PDE4D: variants seen among roughly 807,000 people sequenced by gnomAD.
The protein encoded by PDE4D is 3',5'-cyclic-AMP phosphodiesterase 4D.
PDE4D carries 24 observed loss-of-function variants against 87.4 expected under a neutral mutation model. The observed-to-expected ratio is 0.27, with a 90% CI of 0.20 to 0.39. The LOEUF (loss-of-function observed/expected upper bound fraction) is 0.39. PDE4D is among the 10% of genes least tolerant of loss of function. The pLI is 1.00. For synonymous variants in PDE4D, 384 were observed against 383.2 expected, an observed-to-expected ratio of 1.00 and a Z score of -0.02; for missense variants, 714 against 1,041.0, an observed-to-expected ratio of 0.69 and a Z score of 4.32.
intron 1 of PDE4D, among the ~76,000 whole-genome samples, chr5:59,838,056 C>T (rs989390574): frequency 3.3e-5 from 5 of 152,076 alleles, no homozygotes; most frequent in African/African-American, 4.8e-5. Context: ...TAGAATAATG[C>T]TATCATTTCA....
At chr5:60,409,130 G>C (rs781445824) in intron 1 of PDE4D, among the ~76,000 whole-genome samples, 22 of 152,170 alleles carry the variant, frequency 1.4e-4, no homozygotes, top group Non-Finnish European at 2.5e-4. Flanking sequence ...AGAAAAAGGA[G>C]GATGTGGTAT....
At chr5:59,189,315 T>A (rs529513902) in intron 3 of PDE4D, among the ~76,000 whole-genome samples, 213 of 141,296 alleles carry the variant, frequency 1.5e-3, no homozygotes, top group African/African-American at 5.5e-3. Flanking sequence ...AATGGCGCGA[T>A]CTCGGCTCAC....
At position 59,268,620 on chromosome 5, in the gene PDE4D, T is replaced by C. The variant is rs913658749; in HGVS notation, c.456-52652A>G. On this transcript the variant is annotated intron_variant, in intron 1 of 14. Transcript: ENST00000340635. ...ATATTTTGAGATATTGGATCACCTC[T>C]GGAAAGGCTTCCAAGAAAATCTATA... Among the ~76,000 whole-genome samples the C allele has an allele frequency of 7.9e-5, 12 of 152,196 alleles. No individual in the cohort carries two copies. In the East Asian group the frequency reaches 1.7e-3, roughly 22 times the overall value.
At chr5:60,382,814 C>T (rs1761957362) in intron 1 of PDE4D, among the ~76,000 whole-genome samples, 1 of 152,206 alleles carries the variant, frequency 6.6e-6, no homozygotes, top group Non-Finnish European at 1.5e-5. Context: ...GGTTCTAGGG[C>T]TGCATATGAG....
intron 1 of PDE4D, among the ~76,000 whole-genome samples, chr5:60,266,293 C>G (rs758787607): frequency 2.6e-5 from 4 of 152,056 alleles, no homozygotes; most frequent in Non-Finnish European, 5.9e-5. Context: ...TTGGAAAGCC[C>G]CATGAAAGCA....
At chr5:58,980,415 A>C (rs141236410) in intron 11 of PDE4D, among the ~76,000 whole-genome samples, 41 of 152,298 alleles carry the variant, frequency 2.7e-4, no homozygotes, top group South Asian at 8.3e-4. Flanking sequence ...TGAGCAGTGA[A>C]CACTAAACAT....
chr5:60,336,523 T>G (rs1173791223), intron 1 of PDE4D, among the ~76,000 whole-genome samples: 1 of 152,204 alleles, frequency 6.6e-6, no homozygotes, highest in Admixed American at 6.5e-5. Flanking sequence ...CACAACACAA[T>G]TTGGCTGCAA....
Position 60,122,304 on chromosome 5 carries a change from G to A in PDE4D, c.42+63253C>T, listed in dbSNP as rs540440247. Among the ~76,000 whole-genome samples the A allele has an allele frequency of 1.1e-3, 174 of 152,342 alleles. 4 individuals are homozygous for A. The South Asian group carries it at 0.034, about 30-fold the overall frequency. On this transcript the variant is annotated intron_variant, in intron 2 of 16. Transcript: ENST00000502484. ...TGCCCCAGTAGGGACTCTGTGTGGA[G>A]GCTCCAACCCCACATTTCCCTTCCA...
At chr5:59,380,023 A>C (rs1785460931) in intron 1 of PDE4D, among the ~76,000 whole-genome samples, 1 of 152,020 alleles carries the variant, frequency 6.6e-6, no homozygotes, top group South Asian at 2.1e-4. Context: ...GTCTACTGTT[A>C]CCATCTTTGT....
intron 6 of PDE4D, among the ~76,000 whole-genome samples, chr5:59,026,997 A>T (rs1756368954): frequency 6.6e-6 from 1 of 152,116 alleles, no homozygotes; most frequent in Non-Finnish European, 1.5e-5. Context: ...GTTTTCACGT[A>T]ATTTCCTTTT....
At chr5:59,900,239 C>CAAAAA (rs369200356) in intron 3 of PDE4D, among the ~76,000 whole-genome samples, 2 of 118,292 alleles carry the variant, frequency 1.7e-5, no homozygotes, top group Admixed American at 8.8e-5. Context: ...GACTCCATAT[C>CAAAAA]AAAAAAAAAT....
rs540614371 is a variant in PDE4D at position 60,145,785 on chromosome 5, T to C, written c.42+39772A>G. On this transcript the variant is annotated intron_variant, in intron 2 of 16. Coordinates refer to the PDE4D transcript ENST00000502484. Reference sequence around the variant, plus strand: ...ATATGTTGGTATTTAGTTTCAAAAATGGAAACATGATGGAATTTTTGGCTG... The same window carrying C: ...ATATGTTGGTATTTAGTTTCAAAAACGGAAACATGATGGAATTTTTGGCTG... Among the ~76,000 whole-genome samples the C allele has an allele frequency of 3.3e-5, 5 of 152,330 alleles. No individual in the cohort carries two copies. The South Asian group carries it at 8.3e-4, about 25-fold the overall frequency.
intron 1 of PDE4D, among the ~76,000 whole-genome samples, chr5:60,202,624 G>A (rs1742048313): frequency 6.6e-6 from 1 of 151,866 alleles, no homozygotes; most frequent in African/African-American, 2.4e-5. Context: ...ATATGTCCCA[G>A]TAGAGAGAGA....
chr5:60,313,176 C>CACTAAA (rs971803612), intron 1 of PDE4D, among the ~76,000 whole-genome samples: 1 of 151,414 alleles, frequency 6.6e-6, no homozygotes, highest in African/African-American at 2.4e-5. Flanking sequence ...ATTGATACAC[C>CACTAAA]ACTAGCTAGA....
intron 1 of PDE4D, among the ~76,000 whole-genome samples, chr5:60,255,715 A>T (rs1304403145): frequency 6.6e-6 from 1 of 151,856 alleles, no homozygotes; most frequent in Non-Finnish European, 1.5e-5. Flanking sequence ...GGCCAGGTGC[A>T]GTGGCTCACA....
At chr5:60,084,431 C>A (rs943579127) in intron 2 of PDE4D, among the ~76,000 whole-genome samples, 1 of 151,594 alleles carries the variant, frequency 6.6e-6, no homozygotes, top group African/African-American at 2.4e-5. Flanking sequence ...CGCATGCGCA[C>A]GCATGTGTGT....
intron 1 of PDE4D, chr5:59,768,554 TG>T: frequency 6.3e-7 from 1 of 1,590,980 alleles, no homozygotes; most frequent in Non-Finnish European, 8.5e-7. Flanking sequence ...CAGGGCAACG[TG>T]GTTCCCTCGC....
At chr5:59,356,815 G>A (rs757981184) in intron 1 of PDE4D, 13 of 1,558,408 alleles carry the variant, frequency 8.3e-6, no homozygotes, top group African/African-American at 5.6e-5. Flanking sequence ...TCCTGGCACC[G>A]TGGCTCCCAG....
intron 11 of PDE4D, among the ~76,000 whole-genome samples, 175 bp downstream of exon 11, chr5:58,988,318 G>T (rs956403997): frequency 5.9e-5 from 9 of 151,802 alleles, no homozygotes; most frequent in Non-Finnish European, 1.3e-4. Context: ...ATGCCTCAAG[G>T]GATATAATGA....
Sources: allele counts gnomAD v4.1 joint callset (sites outside exome capture counted in the v4.1 genomes callset), GRCh38; gene constraint gnomAD v4.1.1; transcripts MANE v1.5; gene names NCBI Gene and HGNC (gene_info 2026-07-23, HGNC 2026-07-21).